Variants in LANCL3 observed in about 807,000 individuals in gnomAD.
The protein encoded by LANCL3 is LanC like family member 3, also known as lanC-like protein 3.
A neutral mutation model predicts 26.5 loss-of-function variants in LANCL3; 19 were observed. The observed-to-expected ratio is 0.72, with a 90% CI of 0.50 to 1.05. The LOEUF is 1.05. Among genes scored for constraint, LANCL3 ranks in the 50% least tolerant of loss-of-function variants. The pLI is 0.00. For synonymous variants in LANCL3, 160 were observed against 166.6 expected, an observed-to-expected ratio of 0.96 and a Z score of 0.30; for missense variants, 318 against 362.7, an observed-to-expected ratio of 0.88 and a Z score of 1.00.
At chrX:37,586,416 C>T (rs1362547602) in intron 1 of LANCL3, among the ~76,000 whole-genome samples, 2 of 111,938 alleles carry the variant, frequency 1.8e-5, no homozygotes, top group Non-Finnish European at 3.8e-5. Context: ...CCATTCTCCC[C>T]ATCACTTTCA....
intron 1 of LANCL3, among the ~76,000 whole-genome samples, chrX:37,604,123 G>A (rs1924644028): frequency 8.9e-6 from 1 of 112,591 alleles, no homozygotes; most frequent in Non-Finnish European, 1.9e-5. Flanking sequence ...TTGTACTTGA[G>A]CAGAGAATGT....
Position 37,677,299 on chromosome X carries a change from G to C in LANCL3, c.*1486G>C, listed in dbSNP as rs1556437682. ...TGTTGCCTAAAAAGCAAACCTACAA[G>C]TATGTTGGTGTGTGTATGTGTATGG... is the stretch of plus-strand genomic sequence containing the variant. On this transcript the variant is annotated 3_prime_UTR_variant, in exon 5 of 5. Coordinates refer to ENST00000378619, the MANE Select transcript of LANCL3 (RefSeq NM_001170331.2). 2 of 109,934 alleles carry C rather than the reference G, an allele frequency of 1.8e-5. No homozygotes were observed. The highest frequency in any genetic ancestry group is 6.6e-5 in the African/African-American group (2 of 30,152). 9.1% of individuals were successfully genotyped at this position (109,934 alleles called of 1,213,427 possible).
chrX:37,597,668 C>CTTTTTTT (rs57097813), intron 1 of LANCL3, among the ~76,000 whole-genome samples: 3 of 79,816 alleles, frequency 3.8e-5, no homozygotes, highest in African/African-American at 5.0e-5. Flanking sequence ...CACACGCCAC[C>CTTTTTTT]TTTTTTTTTT....
intron 1 of LANCL3, among the ~76,000 whole-genome samples, chrX:37,606,636 A>G (rs782569235): frequency 3.4e-4 from 38 of 111,459 alleles, no homozygotes; most frequent in Non-Finnish European, 5.6e-4. Context: ...AACTGTCTCT[A>G]TAGCAGAAAT....
intron 1 of LANCL3, among the ~76,000 whole-genome samples, chrX:37,586,969 G>T (rs1158992710): frequency 2.7e-5 from 3 of 112,191 alleles, no homozygotes; most frequent in Non-Finnish European, 5.6e-5. Flanking sequence ...TACAGATGGG[G>T]TTTTGGTGTG....
Position 37,636,506 on chromosome X carries a change from G to A in LANCL3, c.574-19182G>A, listed in dbSNP as rs1206224552. Among the ~76,000 whole-genome samples the A allele has an allele frequency of 1.2e-4, 13 of 112,431 alleles. No homozygotes were observed. In the South Asian group the frequency reaches 2.6e-3, roughly 22 times the overall value. ...AAAAATAACTTTTTAAAAAGCTTGC[G>A]TAATTGTCTTTCATGACAATCTTAT... On this transcript the variant is annotated intron_variant, in intron 1 of 4. Coordinates refer to ENST00000378619, the MANE Select transcript of LANCL3 (RefSeq NM_001170331.2).
intron 1 of LANCL3, among the ~76,000 whole-genome samples, chrX:37,615,424 T>A (rs1556421606): frequency 1.8e-5 from 2 of 112,138 alleles, no homozygotes; most frequent in African/African-American, 6.5e-5. Flanking sequence ...CAGCTTCTCA[T>A]AGCAAATATA....
intron 4 of LANCL3, among the ~76,000 whole-genome samples, chrX:37,674,058 A>G (rs1444397401): frequency 8.9e-6 from 1 of 111,907 alleles, no homozygotes; most frequent in Non-Finnish European, 1.9e-5. Flanking sequence ...AAATTGAGAA[A>G]TTTGCCAAAG....
At chrX:37,660,557 A>G (rs1221830106) in intron 3 of LANCL3, among the ~76,000 whole-genome samples, 3 of 111,758 alleles carry the variant, frequency 2.7e-5, no homozygotes, top group Non-Finnish European at 3.8e-5. Flanking sequence ...AAATAAATAA[A>G]TTAATATTGG....
At chrX:37,574,913 ATG>A (rs1428895739) in intron 1 of LANCL3, among the ~76,000 whole-genome samples, 4 of 99,820 alleles carry the variant, frequency 4.0e-5, no homozygotes, top group African/African-American at 1.6e-4. Flanking sequence ...GTGTGTGTGT[ATG>A]TATATATATA....
At chrX:37,647,796 A>G (rs782083985) in intron 1 of LANCL3, among the ~76,000 whole-genome samples, 2 of 112,450 alleles carry the variant, frequency 1.8e-5, no homozygotes, top group African/African-American at 6.5e-5. Flanking sequence ...CTGCACTAAT[A>G]ATTCATTGTC....
At chrX:37,606,434 AG>A (rs1924717506) in intron 1 of LANCL3, among the ~76,000 whole-genome samples, 1 of 112,368 alleles carries the variant, frequency 8.9e-6, no homozygotes, top group South Asian at 3.7e-4. Context: ...CAACCTTGCA[AG>A]CAGGCCTTTT....
intron 1 of LANCL3, among the ~76,000 whole-genome samples, chrX:37,613,885 T>C (rs934077095): frequency 8.9e-6 from 1 of 112,353 alleles, no homozygotes. Flanking sequence ...TTCTGTGTGC[T>C]TTTCCTCATT....
intron 4 of LANCL3, chrX:37,668,349 A>G (rs1569470549): frequency 5.8e-6 from 2 of 342,901 alleles, no homozygotes; most frequent in East Asian, 4.8e-5. Context: ...TTTTGACAAT[A>G]TAAAATTTTC....
At chrX:37,654,670 G>A (rs1160577308) in intron 1 of LANCL3, among the ~76,000 whole-genome samples, 1 of 111,181 alleles carries the variant, frequency 9.0e-6, no homozygotes, top group Non-Finnish European at 1.9e-5. Flanking sequence ...ATGAAGGGAG[G>A]GAGGGCTCTG....
intron 1 of LANCL3, among the ~76,000 whole-genome samples, chrX:37,649,948 T>C (rs1266392009): frequency 9.0e-6 from 1 of 111,051 alleles, no homozygotes; most frequent in Non-Finnish European, 1.9e-5. Context: ...TGCACTCACT[T>C]AGTATTTTAT....
At chrX:37,632,459 A>G (rs1286203596) in intron 1 of LANCL3, among the ~76,000 whole-genome samples, 2 of 110,733 alleles carry the variant, frequency 1.8e-5, no homozygotes, top group Non-Finnish European at 3.8e-5. Context: ...TTACATTTAA[A>G]GTTAATATTG....
chrX:37,671,978 C>T (rs1926694473), intron 4 of LANCL3, among the ~76,000 whole-genome samples: 2 of 111,433 alleles, frequency 1.8e-5, no homozygotes, highest in Non-Finnish European at 3.8e-5. Context: ...TTTTGGATAT[C>T]ATCTAGGCTA....
chrX:37,572,516 G>C, intron 1 of LANCL3, 73 bp downstream of exon 1: 5 of 900,507 alleles, frequency 5.6e-6, no homozygotes, highest in Non-Finnish European at 7.8e-6. Flanking sequence ...TCCGTGGCTC[G>C]GGCAGCACTG....
Sources: gnomAD v4.1 joint callset for allele counts (sites outside exome capture counted in the v4.1 genomes callset) on GRCh38, gnomAD v4.1.1 for gene constraint, MANE v1.5 for transcripts, NCBI Gene and HGNC (gene_info 2026-07-23, HGNC 2026-07-21) for gene names.